LRRIQ1: variants seen among roughly 807,000 people sequenced by gnomAD.
LRRIQ1 encodes the protein leucine-rich repeat- and IQ domain-containing protein 1.
A neutral mutation model predicts 211.9 loss-of-function variants in LRRIQ1; 210 were observed. That is an observed-to-expected ratio of 0.99 (90% CI 0.89 to 1.11). LRRIQ1 has a LOEUF of 1.11. Ranked by LOEUF, LRRIQ1 falls within the 50% of genes most tolerant of loss-of-function variation. LRRIQ1 has a pLI of 0.00. For missense variants in LRRIQ1, 2,136 were observed against 1,939.5 expected (o/e 1.10, Z -1.90); for synonymous variants, 699 against 650.1 (o/e 1.08, Z -1.14).
intron 9 of LRRIQ1, among the ~76,000 whole-genome samples, chr12:85,065,893 C>G (rs1432951045): frequency 6.6e-6 from 1 of 151,890 alleles, no homozygotes; most frequent in Non-Finnish European, 1.5e-5. Flanking sequence ...ATGGGAATCT[C>G]TCTAGTTATC....
intron 11 of LRRIQ1, among the ~76,000 whole-genome samples, chr12:85,088,870 A>G (rs998917958): frequency 4.6e-5 from 7 of 152,214 alleles, no homozygotes; most frequent in Non-Finnish European, 1.0e-4. Flanking sequence ...TAAATATACA[A>G]TCATGTCATC....
At chr12:85,067,145 A>G (rs758958778) in intron 10 of LRRIQ1, among the ~76,000 whole-genome samples, 52 of 152,056 alleles carry the variant, frequency 3.4e-4, no homozygotes, top group Admixed American at 1.4e-3. Context: ...TTTTCCTACA[A>G]CCAATAGTAA....
chr12:85,201,642 G>A (rs960657877), intron 24 of LRRIQ1, among the ~76,000 whole-genome samples: 13 of 151,942 alleles, frequency 8.6e-5, no homozygotes, highest in African/African-American at 1.7e-4. Flanking sequence ...TGTCCCCTTC[G>A]TCATTACTGA....
At chr12:85,197,825 A>G (rs942836384) in intron 24 of LRRIQ1, among the ~76,000 whole-genome samples, 1 of 66,750 alleles carries the variant, frequency 1.5e-5, no homozygotes, top group Non-Finnish European at 2.5e-5. Context: ...ACTTTATAAT[A>G]AAAAAATAAA....
chr12:85,178,311 T>C (rs1447175424), intron 24 of LRRIQ1, among the ~76,000 whole-genome samples: 1 of 152,106 alleles, frequency 6.6e-6, no homozygotes, highest in Non-Finnish European at 1.5e-5. Flanking sequence ...CAAGCTGTAA[T>C]ACTGCCATTG....
At chr12:85,126,847 G>A (rs945927512) in intron 17 of LRRIQ1, among the ~76,000 whole-genome samples, 7 of 151,982 alleles carry the variant, frequency 4.6e-5, no homozygotes, top group African/African-American at 1.5e-4. Context: ...AAAATGTGTG[G>A]TCATATCTAG....
At chr12:85,050,252 T>C (rs549414058) in intron 6 of LRRIQ1, among the ~76,000 whole-genome samples, 1 of 141,796 alleles carries the variant, frequency 7.1e-6, no homozygotes, top group East Asian at 1.9e-4. Flanking sequence ...GATTCTATTT[T>C]TGTCCCTTTC....
intron 6 of LRRIQ1, among the ~76,000 whole-genome samples, chr12:85,050,287 C>G (rs1880151613): frequency 6.6e-6 from 1 of 152,136 alleles, no homozygotes; most frequent in African/African-American, 2.4e-5. Flanking sequence ...ATACCTCCAC[C>G]TTGATAATTT....
rs147517087 is a variant in LRRIQ1, at chr12:85,184,348, A to G, written c.4822+23634A>G. ...TCATTATGATAACTGAGATTATAAA[A>G]TAAATAAGTAAATACATCACATGTA... is the stretch of plus-strand genomic sequence containing the variant. On this transcript the variant is annotated intron_variant, in intron 24 of 26. Coordinates refer to ENST00000393217, the MANE Select transcript of LRRIQ1 (RefSeq NM_001079910.2). Among the ~76,000 whole-genome samples, 1,097 of 152,162 alleles carry G rather than the reference A, an allele frequency of 7.2e-3. 17 individuals are homozygous for G. Among genetic ancestry groups the G allele is most frequent in the African/African-American group, 0.025 (1,029 of 41,560 alleles).
intron 24 of LRRIQ1, among the ~76,000 whole-genome samples, chr12:85,178,500 G>T (rs1021015657): frequency 6.6e-6 from 1 of 151,848 alleles, no homozygotes; most frequent in Admixed American, 6.6e-5. Flanking sequence ...CTTGAGACAG[G>T]ATTCATGGTG....
At chr12:85,239,102 T>A (rs972937396) in intron 26 of LRRIQ1, among the ~76,000 whole-genome samples, 7 of 152,058 alleles carry the variant, frequency 4.6e-5, no homozygotes, top group African/African-American at 1.7e-4. Context: ...CTTTAAAAAA[T>A]TTCAGAGACA....
At chr12:85,232,837 A>G (rs1176190235) in intron 26 of LRRIQ1, 81 bp downstream of exon 26, 2 of 928,788 alleles carry the variant, frequency 2.2e-6, no homozygotes, top group South Asian at 1.4e-5. Flanking sequence ...TATGTTTATA[A>G]TTAAACTATG....
At position 85,232,723 on chromosome 12, in the gene LRRIQ1, A is replaced by T; in HGVS notation, c.4983A>T (p.Pro1661=). The change falls in exon 26 of 27, where the codon CCA becomes CCT. Residue 1661 remains proline, a synonymous_variant. Coordinates refer to ENST00000393217, the MANE Select transcript of LRRIQ1 (RefSeq NM_001079910.2). ...KCNHFLPELD[P]DVLNGGRVQL... is the part of the protein sequence containing the mutation. ...ATCACTTTTTGCCTGAGTTAGATCC[A>T]GATGTACTTAATGGTGGAAGAGTTC... 2 of 1,612,836 alleles carry T rather than the reference A, an allele frequency of 1.2e-6. No homozygotes were observed. The highest frequency in any genetic ancestry group is 4.5e-5 in the East Asian group (2 of 44,684).
intron 24 of LRRIQ1, among the ~76,000 whole-genome samples, chr12:85,207,300 A>G (rs1289757152): frequency 1.3e-5 from 2 of 151,892 alleles, no homozygotes; most frequent in Non-Finnish European, 2.9e-5. Context: ...GAAGTGCACC[A>G]GTCTTCTACT....
intron 8 of LRRIQ1, among the ~76,000 whole-genome samples, chr12:85,057,519 A>G (rs913550133): frequency 1.3e-5 from 2 of 152,066 alleles, no homozygotes; most frequent in African/African-American, 4.8e-5. Flanking sequence ...ACTCCTAAGT[A>G]AACAGAAGTT....
intron 19 of LRRIQ1, among the ~76,000 whole-genome samples, chr12:85,139,460 C>A (rs1019384694): frequency 6.6e-5 from 10 of 151,340 alleles, no homozygotes; most frequent in African/African-American, 2.4e-4. Context: ...GCCCTAACTG[C>A]AAGAGGTAAA....
At chr12:85,139,882 G>A (rs528166079) in intron 19 of LRRIQ1, among the ~76,000 whole-genome samples, 1 of 151,218 alleles carries the variant, frequency 6.6e-6, no homozygotes, top group East Asian at 2.0e-4. Context: ...TTGATATTTG[G>A]GTAGTATAAT....
chr12:85,131,520 A>G (rs1360258184), intron 18 of LRRIQ1, among the ~76,000 whole-genome samples: 3 of 152,150 alleles, frequency 2.0e-5, no homozygotes, highest in Non-Finnish European at 1.5e-5. Flanking sequence ...CTCAATGTAG[A>G]TAGGTAAGAG....
intron 1 of LRRIQ1, among the ~76,000 whole-genome samples, chr12:85,256,243 A>G (rs759669336): frequency 1.2e-4 from 18 of 151,702 alleles, no homozygotes; most frequent in Admixed American, 5.9e-4. Context: ...AAAATTTAAC[A>G]TTTTTTGACG....
Sources: allele counts gnomAD v4.1 joint callset (sites outside exome capture counted in the v4.1 genomes callset), GRCh38; gene constraint gnomAD v4.1.1; transcripts MANE v1.5; gene names NCBI Gene and HGNC (gene_info 2026-07-23, HGNC 2026-07-21).